Variants in LRP1B observed in about 807,000 individuals in gnomAD.
The protein encoded by LRP1B is low-density lipoprotein receptor-related protein 1B.
Under a neutral mutation model 556.6 loss-of-function variants are expected in LRP1B, and 217 were observed. That is an observed-to-expected ratio of 0.39 (90% CI 0.35 to 0.44). LRP1B has a LOEUF of 0.44. Among genes scored for constraint, LRP1B ranks in the 20% least tolerant of loss-of-function variants. LRP1B has a pLI of 1.00. For missense variants in LRP1B, 5,053 were observed against 5,620.8 expected, an observed-to-expected ratio of 0.90 and a Z score of 3.23; for synonymous variants, 2,047 against 1,865.8, an observed-to-expected ratio of 1.10 and a Z score of -2.50.
chr2:141,889,771 T>C (rs1699228059), intron 1 of LRP1B, among the ~76,000 whole-genome samples: 1 of 152,096 alleles, frequency 6.6e-6, no homozygotes, highest in Non-Finnish European at 1.5e-5. Flanking sequence ...AAACAATCCC[T>C]AAATAATAAT....
intron 7 of LRP1B, among the ~76,000 whole-genome samples, chr2:141,116,754 T>C (rs1700909643): frequency 6.6e-6 from 1 of 152,090 alleles, no homozygotes; most frequent in African/African-American, 2.4e-5. Context: ...AAACTCTGCC[T>C]TTTCTAATCT....
chr2:140,507,784 C>T lies in LRP1B; in HGVS notation c.8399-866G>A, dbSNP rs142227656. On this transcript the variant is annotated intron_variant, in intron 52 of 90. Coordinates refer to ENST00000389484, the MANE Select transcript of LRP1B (RefSeq NM_018557.3). ...TGGGGTATTGCAAATAGCAATAATC[C>T]GCTATATGCTATTGTAGAATGCTGG... Among the ~76,000 whole-genome samples, 744 of 152,090 alleles carry T rather than the reference C, an allele frequency of 4.9e-3. 6 individuals carry two copies. The highest frequency in any genetic ancestry group is 0.017 in the African/African-American group (695 of 41,496).
rs139910556 is a variant in LRP1B, at chr2:140,724,765, C to T, written c.5759-7949G>A. Among the ~76,000 whole-genome samples the T allele has an allele frequency of 4.3e-3, 653 of 151,586 alleles. 5 individuals carry two copies. Among genetic ancestry groups the T allele is most frequent in the African/African-American group, 0.014 (576 of 41,314 alleles). ...AGGAAGTCAATATAAAGTCATAGTA[C>T]TAATGCTTATACGGAATCTTGACTT... On this transcript the variant is annotated intron_variant, in intron 35 of 90. Coordinates refer to ENST00000389484, the MANE Select transcript of LRP1B (RefSeq NM_018557.3).
At chr2:140,661,515 A>AC (rs1559039182) in intron 41 of LRP1B, among the ~76,000 whole-genome samples, 5 of 151,908 alleles carry the variant, frequency 3.3e-5, no homozygotes, top group African/African-American at 1.2e-4. Context: ...AAAAAAAAAA[A>AC]AAAAAACGCA....
chr2:140,922,454 C>A (rs989054033), intron 21 of LRP1B, among the ~76,000 whole-genome samples: 2 of 151,872 alleles, frequency 1.3e-5, no homozygotes, highest in African/African-American at 4.8e-5. Context: ...AGCAATAGTA[C>A]AGTAACATTT....
At chr2:141,498,321 G>C (rs1683590061) in intron 2 of LRP1B, among the ~76,000 whole-genome samples, 1 of 150,428 alleles carries the variant, frequency 6.6e-6, no homozygotes, top group Admixed American at 6.7e-5. Flanking sequence ...AAGTTCTACT[G>C]AGGAGTAAAA....
At chr2:141,637,410 C>T (rs929253852) in intron 2 of LRP1B, among the ~76,000 whole-genome samples, 7 of 151,996 alleles carry the variant, frequency 4.6e-5, no homozygotes, top group African/African-American at 1.7e-4. Context: ...GGGAAGAAAC[C>T]CAAGTGGATG....
intron 2 of LRP1B, among the ~76,000 whole-genome samples, chr2:141,590,870 G>A (rs1455308403): frequency 7.2e-5 from 11 of 151,982 alleles, no homozygotes; most frequent in Admixed American, 5.9e-4. Flanking sequence ...CCAACCCAGC[G>A]TTACAGAAGT....
chr2:141,571,767 AG>A (rs916242183), intron 2 of LRP1B, among the ~76,000 whole-genome samples: 12 of 152,296 alleles, frequency 7.9e-5, no homozygotes, highest in Admixed American at 2.6e-4. Flanking sequence ...ACACAATACA[AG>A]ATCTTCGTAA....
Position 141,089,958 on chromosome 2 carries a change from C to T in LRP1B, c.1014-27685G>A, listed in dbSNP as rs562222952. On this transcript the variant is annotated intron_variant, in intron 7 of 90. Transcript: ENST00000389484. ...ATATGATAGTGAAAAGGGTTATATT[C>T]TTCTAATCAGGATATCCTAAGGAAG... 4.6e-5 allele frequency among the ~76,000 whole-genome samples: 7 copies of T among 152,322 alleles called. No individual in the cohort carries two copies. In the South Asian group the frequency reaches 1.4e-3, roughly 32 times the overall value.
chr2:140,640,625 C>T (rs1440079198), intron 41 of LRP1B, among the ~76,000 whole-genome samples: 4 of 151,390 alleles, frequency 2.6e-5, no homozygotes, highest in Non-Finnish European at 2.9e-5. Context: ...CCTCGTGATC[C>T]GCCCACCTCG....
At chr2:141,020,642 TCAA>T (rs1698038143) in intron 11 of LRP1B, among the ~76,000 whole-genome samples, 1 of 151,986 alleles carries the variant, frequency 6.6e-6, no homozygotes, top group Non-Finnish European at 1.5e-5. Context: ...CAGAACTGCA[TCAA>T]CAGTCAATCT....
intron 41 of LRP1B, among the ~76,000 whole-genome samples, chr2:140,618,916 G>C (rs575216053): frequency 4.6e-5 from 7 of 151,980 alleles, no homozygotes; most frequent in Non-Finnish European, 1.0e-4. Context: ...TTTTTTGTTC[G>C]TAAAATGGGA....
chr2:141,989,256 G>A (rs1463115653), intron 1 of LRP1B, among the ~76,000 whole-genome samples: 1 of 127,480 alleles, frequency 7.8e-6, no homozygotes, highest in South Asian at 2.7e-4. Context: ...CTTGTTTAAA[G>A]TTTTTTCTAG....
At chr2:141,072,940 C>T (rs1273933298) in intron 7 of LRP1B, among the ~76,000 whole-genome samples, 1 of 152,092 alleles carries the variant, frequency 6.6e-6, no homozygotes, top group East Asian at 1.9e-4. Context: ...AATATACACT[C>T]AGTCCGTCTT....
intron 41 of LRP1B, among the ~76,000 whole-genome samples, chr2:140,638,058 C>A (rs1007528262): frequency 2.6e-5 from 4 of 152,124 alleles, no homozygotes; most frequent in Admixed American, 2.6e-4. Context: ...TTCCTAAAAA[C>A]GTTTGTTACA....
At chr2:140,768,319 T>TC (rs1166812953) in intron 35 of LRP1B, among the ~76,000 whole-genome samples, 3 of 151,764 alleles carry the variant, frequency 2.0e-5, no homozygotes, top group Non-Finnish European at 4.4e-5. Flanking sequence ...ACAATGATTC[T>TC]TTTTTTTAAT....
At position 141,602,875 on chromosome 2, in the gene LRP1B, T is replaced by C. The variant is rs1185287866; in HGVS notation, c.206-122342A>G. Among the ~76,000 whole-genome samples the C allele has an allele frequency of 2.0e-5, 3 of 152,240 alleles. No individual in the cohort carries two copies. In the East Asian group the frequency reaches 5.8e-4, roughly 29 times the overall value. On this transcript the variant is annotated intron_variant, in intron 2 of 90. Transcript: ENST00000389484. The stretch of plus-strand genomic sequence containing the variant: ...CTCATAACTAACTGGTTGATGTTAA[T>C]CTTACCTGTTTTTGTGTATAAAATG...
At chr2:140,394,126 T>A (rs1454168841) in intron 66 of LRP1B, among the ~76,000 whole-genome samples, 4 of 119,100 alleles carry the variant, frequency 3.4e-5, no homozygotes, top group Non-Finnish European at 6.7e-5. Flanking sequence ...TGGCACATAT[T>A]TTTTTTTTTT....
Sources: gnomAD v4.1 joint callset for allele counts (sites outside exome capture counted in the v4.1 genomes callset) on GRCh38, gnomAD v4.1.1 for gene constraint, MANE v1.5 for transcripts, NCBI Gene and HGNC (gene_info 2026-07-23, HGNC 2026-07-21) for gene names.